Variants in TXN observed in about 807,000 individuals in gnomAD.
TXN encodes the protein ADF.
In TXN, 10 loss-of-function variants were observed where a neutral mutation model predicts 16.5. The ratio of observed to expected loss-of-function variants is 0.61; its 90% CI spans 0.37 to 1.03. The LOEUF (loss-of-function observed/expected upper bound fraction) is 1.03, where lower values mean the gene tolerates loss of function less well. Ranked by LOEUF, TXN falls within the 50% of genes least tolerant of loss-of-function variation. TXN has a pLI of 0.01. For missense variants in TXN, 71 were observed against 122.5 expected (o/e 0.58, Z 1.98); for synonymous variants, 35 against 39.4 (o/e 0.89, Z 0.42).
rs186490217 is a variant in TXN, at chr9:110,244,101, A to T, written c.*56T>A. On this transcript the variant is annotated 3_prime_UTR_variant, in exon 5 of 5. Coordinates refer to ENST00000374517, the MANE Select transcript of TXN (RefSeq NM_003329.4). ...TTCATATTTTATATTTTTGTAAATT[A>T]AAAAAATTACAAGTTTTAAATAGCC... 7.5e-5 allele frequency: 85 copies of T among 1,126,182 alleles called. 3 individuals are homozygous for T. In the East Asian group the frequency reaches 2.6e-3, roughly 34 times the overall value. 69.8% of individuals were successfully genotyped at this position (1,126,182 alleles called of 1,614,324 possible).
intron 3 of TXN, among the ~76,000 whole-genome samples, chr9:110,250,508 C>T (rs1213445253): frequency 6.6e-6 from 1 of 152,216 alleles, no homozygotes; most frequent in Admixed American, 6.5e-5. Flanking sequence ...ATGTAATGAT[C>T]ATAGCTAAAT....
In TXN at chr9:110,256,289, G is replaced by T. The variant is rs1231674750; in HGVS notation, c.24+123C>A. ...CGAGACGCCGCGTCCCTTTCCCCTG[G>T]CGATGCGGAGGGGCGGCCTCCGCAC... On this transcript the variant is annotated intron_variant, in intron 1 of 4. Transcript: ENST00000374517. The surrounding 1 kb of genome is among the most constrained non-coding windows in gnomAD (Gnocchi z 4.2). The T allele has an allele frequency of 2.8e-6, 3 of 1,082,430 alleles. No individual in the cohort carries two copies. The highest frequency in any genetic ancestry group is 4.1e-6 in the Non-Finnish European group (3 of 738,698). The allele number at this position is 1,082,430 out of a possible 1,614,324, so 67.1% of individuals were successfully genotyped here. A position where few individuals can be genotyped will look rare whatever the true frequency, so the allele number is the denominator to read the frequency against.
At chr9:110,244,281 A>T in intron 4 of TXN, 62 bp from the exon 5 acceptor site, 20 of 614,152 alleles carry the variant, frequency 3.3e-5, no homozygotes, top group Non-Finnish European at 4.7e-5. Context: ...TATACATAAA[A>T]TATGTATAAA....
intron 3 of TXN, 171 bp from the exon 4 acceptor site, chr9:110,245,014 A>C: frequency 2.2e-6 from 1 of 461,204 alleles, no homozygotes; most frequent in South Asian, 2.9e-5. Context: ...TGGCATTACA[A>C]AAGCCAAACC....
chr9:110,245,465 A>C (rs1587920238), intron 3 of TXN, among the ~76,000 whole-genome samples: 1 of 149,722 alleles, frequency 6.7e-6, no homozygotes, highest in Non-Finnish European at 1.5e-5. Context: ...GATGGAATGC[A>C]GGGGCATAGT....
At chr9:110,252,227 A>AAAG (rs1837749707) in intron 1 of TXN, among the ~76,000 whole-genome samples, 1 of 120,904 alleles carries the variant, frequency 8.3e-6, no homozygotes. Flanking sequence ...CTGTCGCAAA[A>AAAG]AAAAAAAAAA....
chr9:110,255,283 T>C (rs1837795139), intron 1 of TXN, among the ~76,000 whole-genome samples: 1 of 152,194 alleles, frequency 6.6e-6, no homozygotes, highest in Non-Finnish European at 1.5e-5. Context: ...GTTCGAGCAG[T>C]ATCAATTTCC....
chr9:110,246,665 G>A (rs1406448354), intron 3 of TXN, among the ~76,000 whole-genome samples: 1 of 152,092 alleles, frequency 6.6e-6, no homozygotes. Flanking sequence ...ACACTATGAC[G>A]ACCTCTAGGA....
chr9:110,246,719 T>C (rs1255982119), intron 3 of TXN, among the ~76,000 whole-genome samples: 1 of 152,148 alleles, frequency 6.6e-6, no homozygotes, highest in Non-Finnish European at 1.5e-5. Flanking sequence ...TAGGTAATCT[T>C]TACTTTTTCT....
At chr9:110,246,594 T>C (rs1158965556) in intron 3 of TXN, among the ~76,000 whole-genome samples, 6 of 152,064 alleles carry the variant, frequency 3.9e-5, no homozygotes, top group Admixed American at 1.3e-4. Context: ...GGCAGGACTG[T>C]TGATAACCAA....
intron 3 of TXN, among the ~76,000 whole-genome samples, chr9:110,249,113 T>C (rs2031761): frequency 0.26 from 29,386 of 111,074 alleles, 4,131 homozygotes; most frequent in East Asian, 0.66. Flanking sequence ...GGTGACAGAG[T>C]GAACTCCATC....
chr9:110,246,389 A>T (rs1326858013), intron 3 of TXN, among the ~76,000 whole-genome samples: 1 of 152,218 alleles, frequency 6.6e-6, no homozygotes, highest in Non-Finnish European at 1.5e-5. Flanking sequence ...GAGAACTCTT[A>T]TAATACCCCA....
intron 3 of TXN, among the ~76,000 whole-genome samples, chr9:110,248,547 C>A (rs1185340210): frequency 6.6e-6 from 1 of 152,128 alleles, no homozygotes; most frequent in East Asian, 1.9e-4. Context: ...TAAGTACACT[C>A]TATGTGTGCA....
At chr9:110,251,615 C>T (rs910210561) in intron 1 of TXN, among the ~76,000 whole-genome samples, 153 bp from the exon 2 acceptor site, 5 of 47,564 alleles carry the variant, frequency 1.1e-4, no homozygotes, top group African/African-American at 2.5e-4. Flanking sequence ...AAAAAAAAAT[C>T]CCCAAACAAG....
intron 1 of TXN, among the ~76,000 whole-genome samples, chr9:110,252,223 C>CAAAAAAGAAAAAAAA (rs1554695822): frequency 3.3e-4 from 19 of 58,388 alleles, no homozygotes; most frequent in South Asian, 7.1e-4. Context: ...GACTCTGTCG[C>CAAAAAAGAAAAAAAA]AAAAAAAAAA....
At chr9:110,248,504 A>G (rs1262486978) in intron 3 of TXN, among the ~76,000 whole-genome samples, 1 of 152,232 alleles carries the variant, frequency 6.6e-6, no homozygotes, top group African/African-American at 2.4e-5. Context: ...CACATAGCCT[A>G]GGTGTACAGG....
chr9:110,250,939 T>C (rs185568597), intron 2 of TXN, 60 bp from the exon 3 acceptor site: 131 of 1,207,842 alleles, frequency 1.1e-4, no homozygotes, highest in Middle Eastern at 5.4e-4. Flanking sequence ...GCAATCAACA[T>C]ACCCAAGCTT....
chr9:110,245,596 T>TAC (rs1837637064), intron 3 of TXN, among the ~76,000 whole-genome samples: 1 of 79,658 alleles, frequency 1.3e-5, no homozygotes, highest in Admixed American at 2.1e-4. Flanking sequence ...TGTGTGTGTA[T>TAC]ATATATACAC....
At chr9:110,245,602 T>TATACACACACACAC (rs200327890) in intron 3 of TXN, among the ~76,000 whole-genome samples, 1 of 62,502 alleles carries the variant, frequency 1.6e-5, no homozygotes, top group African/African-American at 5.6e-5. Context: ...TGTATATATA[T>TATACACACACACAC]ACACACACAC....
Sources: allele counts gnomAD v4.1 joint callset (sites outside exome capture counted in the v4.1 genomes callset), GRCh38; gene constraint gnomAD v4.1.1; non-coding constraint Gnocchi (gnomAD v3.1); transcripts MANE v1.5; gene names NCBI Gene and HGNC (gene_info 2026-07-23, HGNC 2026-07-21).